Variants in RNF144A observed in about 807,000 individuals in gnomAD.
RNF144A encodes E3 ubiquitin-protein ligase RNF144A.
RNF144A carries 11 observed loss-of-function variants against 38.7 expected under a neutral mutation model. That is an observed-to-expected ratio of 0.28 (90% CI 0.18 to 0.47). RNF144A has a LOEUF of 0.47. Ranked by LOEUF, RNF144A falls within the 20% of genes least tolerant of loss-of-function variation. RNF144A has a pLI of 0.99. For missense variants in RNF144A, 316 were observed against 377.2 expected (o/e 0.84, Z 1.34); for synonymous variants, 149 against 143.9 (o/e 1.04, Z -0.25).
At chr2:6,963,771 T>C (rs910210683) in intron 2 of RNF144A, among the ~76,000 whole-genome samples, 3 of 152,164 alleles carry the variant, frequency 2.0e-5, no homozygotes, top group African/African-American at 7.2e-5. Flanking sequence ...TGTGCAGTCA[T>C]TGGGTGAGGA....
At chr2:6,935,517 A>G (rs1665513932) in intron 1 of RNF144A, among the ~76,000 whole-genome samples, 1 of 152,090 alleles carries the variant, frequency 6.6e-6, no homozygotes, top group South Asian at 2.1e-4. Flanking sequence ...TCCCGTCTAC[A>G]TCCCTGCCCG....
At chr2:6,990,057 G>C (rs1416046176) in intron 2 of RNF144A, among the ~76,000 whole-genome samples, 1 of 152,100 alleles carries the variant, frequency 6.6e-6, no homozygotes, top group East Asian at 1.9e-4. Context: ...TTCTCTCCCA[G>C]GGTTCATAAT....
intron 2 of RNF144A, among the ~76,000 whole-genome samples, chr2:6,954,064 T>C (rs1279388398): frequency 6.6e-6 from 1 of 152,122 alleles, no homozygotes; most frequent in Non-Finnish European, 1.5e-5. Flanking sequence ...TGATCACTTT[T>C]CTCCATCCTT....
downstream of RNF144A, among the ~76,000 whole-genome samples, chr2:7,044,459 G>C (rs56329647): frequency 0.056 from 8,578 of 152,190 alleles, 352 homozygotes; most frequent in Middle Eastern, 0.17. Flanking sequence ...AGCCATTCCT[G>C]GCTCCCTCTT....
At chr2:6,990,564 CACACACAA>C (rs201408164) in intron 2 of RNF144A, among the ~76,000 whole-genome samples, 39,045 of 123,348 alleles carry the variant, frequency 0.32, 5,594 homozygotes, top group African/African-American at 0.38. Context: ...GAGATTGCTA[CACACACAA>C]ACACACACAC....
chr2:6,950,779 G>A (rs1308226020), intron 2 of RNF144A, among the ~76,000 whole-genome samples: 2 of 152,144 alleles, frequency 1.3e-5, no homozygotes, highest in Admixed American at 6.5e-5. Context: ...GTAATATTGA[G>A]CTACTTTCCC....
chr2:7,045,894 T>C (rs1393601692), downstream of RNF144A, among the ~76,000 whole-genome samples: 2 of 114,996 alleles, frequency 1.7e-5, no homozygotes, highest in African/African-American at 6.2e-5. Context: ...GCCTGGAATG[T>C]AGGAATTGCC....
intron 2 of RNF144A, among the ~76,000 whole-genome samples, chr2:6,951,216 C>A (rs899401765): frequency 6.6e-6 from 1 of 151,278 alleles, no homozygotes; most frequent in African/African-American, 2.4e-5. Context: ...ATTGAATGGC[C>A]CTTTGTCTCT....
chr2:7,057,771 A>G (rs1445562918), intron 6 of RNF144A, among the ~76,000 whole-genome samples: 1 of 152,192 alleles, frequency 6.6e-6, no homozygotes, highest in Admixed American at 6.5e-5. Flanking sequence ...CCATCATCAT[A>G]ATTGCTTGGA....
In RNF144A at chr2:7,020,485, AT is replaced by A; in HGVS notation, c.315del (p.Cys107ValfsTer95). On this transcript the variant is annotated frameshift_variant, in exon 6 of 9. Coordinates refer to ENST00000320892, the MANE Select transcript of RNF144A (RefSeq NM_014746.6). LOFTEE classifies it high-confidence loss of function. Reference protein sequence around the residue: ...KLQFEREVLFDPCRTWCPAST... With the variant: ...KLQFEREVLFXPCRTWCPAST... ...CTCACTGTACCAGAGGTGCTGTTTG[AT>A]CCCTGTCGGACTTGGTGCCCGGCGT... The A allele has an allele frequency of 6.2e-7, 1 of 1,613,634 alleles. No individual in the cohort carries two copies. Among genetic ancestry groups the A allele is most frequent in the Non-Finnish European group, 8.5e-7 (1 of 1,179,932 alleles).
intron 2 of RNF144A, among the ~76,000 whole-genome samples, chr2:6,977,153 C>A (rs1668364478): frequency 6.6e-6 from 1 of 152,174 alleles, no homozygotes; most frequent in Non-Finnish European, 1.5e-5. Flanking sequence ...AGACTATAAC[C>A]AAGTTATTAC....
intron 1 of RNF144A, among the ~76,000 whole-genome samples, 195 bp from the exon 2 acceptor site, chr2:6,940,753 A>G (rs1665913968): frequency 6.6e-6 from 1 of 152,024 alleles, no homozygotes; most frequent in South Asian, 2.1e-4. Context: ...TTTATTCATT[A>G]ACTTCTTGGT....
rs1380231423 is a variant in RNF144A, at chr2:6,962,037, TGAAA to T, written c.-12+20897_-12+20900del. Among the ~76,000 whole-genome samples the T allele has an allele frequency of 2.0e-5, 3 of 151,920 alleles. No homozygotes were observed. The highest frequency in any genetic ancestry group is 4.8e-5 in the African/African-American group (2 of 41,342). On this transcript the variant is annotated intron_variant, in intron 2 of 8. Coordinates refer to ENST00000320892, the MANE Select transcript of RNF144A (RefSeq NM_014746.6). The surrounding 1 kb of genome is among the most constrained non-coding windows in gnomAD (Gnocchi z 4.1). ...AGGTTGACAGTGGAAGTTTAATAGG[TGAAA>T]GAAAGAGAATAGCTCTCCGCTACAG...
At chr2:7,022,532 C>T (rs1264742021) in intron 6 of RNF144A, among the ~76,000 whole-genome samples, 1 of 152,212 alleles carries the variant, frequency 6.6e-6, no homozygotes, top group Non-Finnish European at 1.5e-5. Context: ...TAACGGTTTT[C>T]ATTTTGAAAT....
chr2:6,919,944 T>C (rs1164756565), intron 1 of RNF144A, among the ~76,000 whole-genome samples: 1 of 152,230 alleles, frequency 6.6e-6, no homozygotes, highest in Non-Finnish European at 1.5e-5. Context: ...TATAAATAGA[T>C]TCCAGTGCCC....
intron 8 of RNF144A, among the ~76,000 whole-genome samples, chr2:7,032,368 T>TGCTCGAATCCGCGCCCCTTGCAGCTCC (rs2103449348): frequency 6.7e-6 from 1 of 149,704 alleles, no homozygotes; most frequent in East Asian, 2.0e-4. Context: ...CTTGCAGCTC[T>TGCTCGAATCCGCGCCCCTTGCAGCTCC]GCTCGAATCC....
intron 1 of RNF144A, among the ~76,000 whole-genome samples, chr2:6,928,210 A>T (rs945706553): frequency 6.6e-6 from 1 of 152,180 alleles, no homozygotes; most frequent in Admixed American, 6.5e-5. Context: ...GGGCCTTTTT[A>T]AAAAAATGTG....
chr2:6,964,470 G>A (rs941608991), intron 2 of RNF144A, among the ~76,000 whole-genome samples: 12 of 152,174 alleles, frequency 7.9e-5, no homozygotes, highest in Non-Finnish European at 1.5e-4. Flanking sequence ...CCATTACTGG[G>A]TATATACCCA....
downstream of RNF144A, among the ~76,000 whole-genome samples, chr2:7,047,988 C>G (rs1558463597): frequency 6.6e-6 from 1 of 152,174 alleles, no homozygotes; most frequent in Admixed American, 6.5e-5. Context: ...CCTGATTTAC[C>G]CTGACTGGCA....
Sources: allele counts gnomAD v4.1 joint callset (sites outside exome capture counted in the v4.1 genomes callset), GRCh38; gene constraint gnomAD v4.1.1; non-coding constraint Gnocchi (gnomAD v3.1); transcripts MANE v1.5; gene names NCBI Gene and HGNC (gene_info 2026-07-23, HGNC 2026-07-21).